Variants in RELN observed in about 807,000 individuals in gnomAD.
RELN encodes reelin.
Under a neutral mutation model 427.6 loss-of-function variants are expected in RELN, and 108 were observed. The observed-to-expected ratio is 0.25, with a 90% confidence interval of 0.22 to 0.30. The LOEUF is 0.30. RELN is among the 10% of genes least tolerant of loss of function. The probability of loss-of-function intolerance (pLI) is 1.00; values close to 1 mark genes in which losing one functional copy is unlikely to be tolerated. For synonymous variants in RELN, 1,524 were observed against 1,513.4 expected (o/e 1.01, Z -0.16); for missense variants, 3,715 against 4,302.8 (o/e 0.86, Z 3.82).
chr7:103,754,780 T>A (rs890291953), intron 4 of RELN, among the ~76,000 whole-genome samples: 2 of 151,824 alleles, frequency 1.3e-5, no homozygotes, highest in African/African-American at 4.8e-5. Flanking sequence ...TGTCTCTAAA[T>A]AAATAATAAA....
intron 6 of RELN, among the ~76,000 whole-genome samples, chr7:103,739,038 C>T (rs1790570974): frequency 6.6e-6 from 1 of 152,118 alleles, no homozygotes; most frequent in Non-Finnish European, 1.5e-5. Flanking sequence ...TTGCGACTGA[C>T]AATAATTCAT....
Position 103,522,091 on chromosome 7 carries a change from A to C in RELN, c.7599T>G (p.Thr2533=). The C allele has an allele frequency of 6.2e-7, 1 of 1,614,132 alleles. No homozygotes were observed. The highest frequency in any genetic ancestry group is 1.1e-5 in the South Asian group (1 of 91,066). Residue 2533 remains threonine (T), a synonymous_variant, in exon 48 of 65, where the codon ACT becomes ACG. Coordinates refer to ENST00000428762, the MANE Select transcript of RELN (RefSeq NM_005045.4). Reference sequence around the variant, plus strand: ...CTGTACTCAATTTCCCTCCGTTCACAGTCAGCCAGTTCTGACTGGATGGAG... The same window carrying C: ...CTGTACTCAATTTCCCTCCGTTCACCGTCAGCCAGTTCTGACTGGATGGAG... ...NRAPSSQNWL[T]VNGGKLSTVC...
intron 43 of RELN, among the ~76,000 whole-genome samples, chr7:103,541,205 C>T (rs1450619768): frequency 2.0e-5 from 3 of 152,082 alleles, no homozygotes; most frequent in Admixed American, 6.6e-5. Flanking sequence ...GGGAGGTGGA[C>T]AGAGTGGCAG....
intron 4 of RELN, among the ~76,000 whole-genome samples, chr7:103,773,436 T>TCTCTCTCTCTCCCTCGCTCCCTCC (rs1791654651): frequency 8.3e-6 from 1 of 120,864 alleles, no homozygotes; most frequent in Non-Finnish European, 1.8e-5. Flanking sequence ...CCTCTCTCTC[T>TCTCTCTCTCTCCCTCGCTCCCTCC]CTCTCTCTCC....
intron 8 of RELN, among the ~76,000 whole-genome samples, chr7:103,719,835 G>A (rs1265872286): frequency 6.6e-6 from 1 of 152,194 alleles, no homozygotes; most frequent in South Asian, 2.1e-4. Context: ...GCAAATCGAT[G>A]TCTCAGCACA....
At chr7:103,792,068 G>C (rs935488145) in intron 3 of RELN, among the ~76,000 whole-genome samples, 9 of 152,164 alleles carry the variant, frequency 5.9e-5, no homozygotes, top group Non-Finnish European at 1.3e-4. Flanking sequence ...ACAATAATAA[G>C]TGTTGACAAG....
chr7:103,891,440 C>G (rs1002144353), intron 2 of RELN, among the ~76,000 whole-genome samples: 14 of 152,142 alleles, frequency 9.2e-5, no homozygotes, highest in Non-Finnish European at 1.6e-4. Context: ...CACAATGACT[C>G]TACATCAGGC....
intron 8 of RELN, among the ~76,000 whole-genome samples, chr7:103,719,323 T>C (rs559533697): frequency 6.6e-6 from 1 of 152,222 alleles, no homozygotes; most frequent in African/African-American, 2.4e-5. Flanking sequence ...CCCTGTCCTT[T>C]CAAGTGACTT....
Position 103,501,806 on chromosome 7 carries a change from A to G in RELN, c.8490-884T>C, listed in dbSNP as rs553112958. 2.9e-4 allele frequency among the ~76,000 whole-genome samples: 44 copies of G among 152,356 alleles called. 1 individual carries two copies. In the South Asian group the frequency reaches 8.5e-3, roughly 29 times the overall value. On this transcript the variant is annotated intron_variant, in intron 52 of 64. Transcript: ENST00000428762. ...GCATCCATTTCACCCCAGATAATCCATGAAATAATCATTTCCTAACTCAAC... is the reference window on the plus strand; with the variant it reads ...GCATCCATTTCACCCCAGATAATCCGTGAAATAATCATTTCCTAACTCAAC...
At chr7:103,914,357 G>C (rs1795436172) in intron 2 of RELN, among the ~76,000 whole-genome samples, 1 of 151,926 alleles carries the variant, frequency 6.6e-6, no homozygotes, top group South Asian at 2.1e-4. Context: ...TCAAATGATG[G>C]TTCCCCGCAA....
chr7:103,540,851 T>G (rs1830162536), intron 43 of RELN, among the ~76,000 whole-genome samples: 1 of 148,348 alleles, frequency 6.7e-6, no homozygotes, highest in South Asian at 2.1e-4. Context: ...ACTGAAAGTT[T>G]GAAACGGGAA....
At chr7:103,751,286 C>T (rs1403417033) in intron 5 of RELN, among the ~76,000 whole-genome samples, 1 of 152,152 alleles carries the variant, frequency 6.6e-6, no homozygotes, top group African/African-American at 2.4e-5. Flanking sequence ...TAGGCTCACT[C>T]AAATATAATT....
intron 6 of RELN, among the ~76,000 whole-genome samples, chr7:103,733,267 A>G (rs865954670): frequency 2.2e-4 from 34 of 151,370 alleles, no homozygotes; most frequent in South Asian, 6.3e-4. Flanking sequence ...TTAGAATGGC[A>G]ATCATTAAAA....
chr7:103,579,727 C>T (rs1831087079), intron 28 of RELN, among the ~76,000 whole-genome samples: 3 of 151,990 alleles, frequency 2.0e-5, no homozygotes, highest in African/African-American at 7.2e-5. Context: ...CCTTTGTTTC[C>T]TTTCCCAATT....
Position 103,530,869 on chromosome 7 carries a change from A to G in RELN, c.7349+4447T>C, listed in dbSNP as rs184536203. Among the ~76,000 whole-genome samples the G allele has an allele frequency of 3.9e-3, 587 of 152,284 alleles. 6 individuals are homozygous for G. The highest frequency in any genetic ancestry group is 3.5e-3 in the Non-Finnish European group (236 of 68,026). On this transcript the variant is annotated intron_variant, in intron 46 of 64. Coordinates refer to ENST00000428762, the MANE Select transcript of RELN (RefSeq NM_005045.4). Reference sequence around the variant, plus strand: ...CTAGCCCATTCCTCAATGAAGCACTAAATTATATAGAGCAGGTATTATTTT... The same window carrying G: ...CTAGCCCATTCCTCAATGAAGCACTGAATTATATAGAGCAGGTATTATTTT...
chr7:103,859,370 T>C (rs576203974), intron 2 of RELN, among the ~76,000 whole-genome samples: 1 of 152,136 alleles, frequency 6.6e-6, no homozygotes, highest in African/African-American at 2.4e-5. Flanking sequence ...CTCTGCTCAG[T>C]GAAACCTCCA....
At chr7:103,805,877 C>G (rs372490469) in intron 3 of RELN, among the ~76,000 whole-genome samples, 6 of 152,230 alleles carry the variant, frequency 3.9e-5, no homozygotes, top group Middle Eastern at 3.4e-3. Flanking sequence ...ATCCCAAGAG[C>G]CTTTCTTAAC....
intron 2 of RELN, among the ~76,000 whole-genome samples, chr7:103,848,249 G>C (rs1793729182): frequency 6.6e-6 from 1 of 152,160 alleles, no homozygotes; most frequent in Non-Finnish European, 1.5e-5. Flanking sequence ...TTGAGAGCAG[G>C]AGAAACACAG....
At chr7:103,543,454 C>G (rs2953019) in intron 42 of RELN, among the ~76,000 whole-genome samples, 1 of 151,760 alleles carries the variant, frequency 6.6e-6, no homozygotes, top group African/African-American at 2.4e-5. Context: ...GAGACCAGCC[C>G]GGCCAACATG....
Sources: allele counts gnomAD v4.1 joint callset (sites outside exome capture counted in the v4.1 genomes callset), GRCh38; gene constraint gnomAD v4.1.1; transcripts MANE v1.5; gene names NCBI Gene and HGNC (gene_info 2026-07-23, HGNC 2026-07-21).